GTPBP1: variants seen among roughly 807,000 people sequenced by gnomAD.
GTPBP1 encodes GTP binding protein 1, also known as GTP-binding protein 1.
GTPBP1 carries 23 observed loss-of-function variants against 62.0 expected under a neutral mutation model. That is an observed-to-expected ratio of 0.37 (90% CI 0.27 to 0.53). GTPBP1 has a LOEUF of 0.53. Ranked by LOEUF, GTPBP1 falls within the 20% of genes least tolerant of loss-of-function variation. The probability of loss-of-function intolerance (pLI) is 0.89; values close to 1 mark genes in which losing one functional copy is unlikely to be tolerated. For synonymous variants in GTPBP1, 344 were observed against 364.4 expected (o/e 0.94, Z 0.64); for missense variants, 640 against 917.3 (o/e 0.70, Z 3.90).
chr22:38,714,789 C>G (rs2092660431), intron 2 of GTPBP1, among the ~76,000 whole-genome samples: 1 of 152,026 alleles, frequency 6.6e-6, no homozygotes. Flanking sequence ...GTTAGCCAGC[C>G]AGGGAAGGAG....
At chr22:38,723,029 AGTGGGAT>A in intron 5 of GTPBP1, 1 of 803,498 alleles carries the variant, frequency 1.2e-6, no homozygotes, top group South Asian at 1.4e-5. Flanking sequence ...ATCTGACAAG[AGTGGGAT>A]GTTCATGTGG....
In GTPBP1 at chr22:38,717,014, G is replaced by A. The variant is rs532123467; in HGVS notation, c.834+14G>A. On this transcript the variant is annotated intron_variant, in intron 4 of 11. Coordinates refer to ENST00000216044, the MANE Select transcript of GTPBP1 (RefSeq NM_004286.5). ...TGCATGCTCATGGTGAGTGGGAGGC[G>A]CCCCAAGGAGGGGAGGCGTCAGCAG... The A allele has an allele frequency of 6.2e-5, 96 of 1,538,522 alleles. No individual in the cohort carries two copies. Among genetic ancestry groups the A allele is most frequent in the Non-Finnish European group, 7.4e-5 (83 of 1,114,978 alleles).
At chr22:38,736,416 A>G, downstream of GTPBP1, 1 of 1,549,404 alleles carries the variant, frequency 6.5e-7, no homozygotes, top group Non-Finnish European at 8.8e-7. Flanking sequence ...AGCATCAGAG[A>G]CCTGTGAGGC....
In GTPBP1 at chr22:38,727,141, G is replaced by A; in HGVS notation, c.1402-72G>A. The A allele has an allele frequency of 1.4e-6, 2 of 1,400,322 alleles. No homozygotes were observed. The highest frequency in any genetic ancestry group is 2.5e-5 in the Admixed American group (1 of 39,832). The allele number at this position is 1,400,322 out of a possible 1,614,324, so 86.7% of individuals were successfully genotyped here. ...GGTCCCTATCCCTAGAAAGACTCTTGGTCCCTGGGACCAGGGGTGAAACCA... is the reference window on the plus strand; with the variant it reads ...GGTCCCTATCCCTAGAAAGACTCTTAGTCCCTGGGACCAGGGGTGAAACCA... On this transcript the variant is annotated intron_variant, in intron 8 of 11. Coordinates refer to ENST00000216044, the MANE Select transcript of GTPBP1 (RefSeq NM_004286.5). This position sits in a 1 kb window ranked among gnomAD's most constrained non-coding sequence, Gnocchi z 6.5.
intron 5 of GTPBP1, chr22:38,722,937 T>A: frequency 1.0e-5 from 10 of 967,396 alleles, no homozygotes; most frequent in African/African-American, 1.6e-5. Flanking sequence ...GATGACTCCA[T>A]TGGGGTCAGT....
At chr22:38,715,834 TCCTGGCTGGCTG>T (rs915589428) in intron 2 of GTPBP1, 61 bp from the exon 3 acceptor site, 1 of 1,307,322 alleles carries the variant, frequency 7.6e-7, no homozygotes, top group Non-Finnish European at 1.1e-6. Flanking sequence ...TAGGTGGGGT[TCCTGGCTGGCTG>T]GTTGGCAGGC....
At chr22:38,706,241 G>A (rs938439187) in intron 1 of GTPBP1, 94 bp downstream of exon 1, 5 of 794,706 alleles carry the variant, frequency 6.3e-6, no homozygotes, top group Admixed American at 4.5e-5. Context: ...CGCCCTGTCC[G>A]CGGGGAGCGC....
chr22:38,742,617 A>G, downstream of GTPBP1: 2 of 1,542,550 alleles, frequency 1.3e-6, no homozygotes, highest in Non-Finnish European at 1.8e-6. Context: ...CTTCCCAAAG[A>G]CCACCCCGAC....
downstream of GTPBP1, chr22:38,740,008 G>A: frequency 1.9e-6 from 3 of 1,543,008 alleles, no homozygotes; most frequent in Non-Finnish European, 2.6e-6. This position sits in a 1 kb window ranked among gnomAD's most constrained non-coding sequence, Gnocchi z 4.8. Context: ...TGCTATGACA[G>A]GGCTAGTGCT....
chr22:38,719,329 A>T (rs913482876), intron 4 of GTPBP1, among the ~76,000 whole-genome samples: 2 of 151,578 alleles, frequency 1.3e-5, no homozygotes, highest in African/African-American at 4.9e-5. Flanking sequence ...TTTTAAAGAG[A>T]CAAAGCCTCA....
intron 4 of GTPBP1, among the ~76,000 whole-genome samples, chr22:38,718,029 C>A (rs1287800310): frequency 1.3e-5 from 2 of 152,228 alleles, no homozygotes; most frequent in South Asian, 2.1e-4. Context: ...GGTTCTCAAG[C>A]AAATTCTCCC....
chr22:38,726,080 T>C lies in GTPBP1; in HGVS notation c.1148T>C (p.Leu383Pro), dbSNP rs2092725271. 1 of 1,613,926 alleles carries C rather than the reference T, an allele frequency of 6.2e-7. No individual in the cohort carries two copies. The highest frequency in any genetic ancestry group is 8.5e-7 in the Non-Finnish European group (1 of 1,179,882). The stretch of plus-strand genomic sequence containing the variant: ...CTGCTGAAGATGTTCCTCAACCTCC[T>C]CTCCCCCCGCACCAGCTACAGGGAG... ...LDLLKMFLNL[L>P]SPRTSYREEE... Residue 383 changes from leucine to proline, a missense_variant, in exon 7 of 12, where the codon CTC (leucine) becomes CCC (proline). Physicochemically the swap from Leu to Pro is moderately conservative, Grantham distance 98 (BLOSUM62 -3). Around this residue, in one of 4 missense-constraint regions of GTPBP1, gnomAD observed 220 missense variants for 358.1 expected, o/e 0.61. Transcript: ENST00000216044. The surrounding 1 kb of genome is among the most constrained non-coding windows in gnomAD (Gnocchi z 4.1).
downstream of GTPBP1, chr22:38,735,950 C>T (rs1169790255): frequency 4.0e-6 from 1 of 252,172 alleles, no homozygotes. Flanking sequence ...AGCCCCTGAC[C>T]CCAGCCAAGA....
intron 2 of GTPBP1, among the ~76,000 whole-genome samples, chr22:38,714,127 G>T (rs1055958428): frequency 2.0e-5 from 3 of 152,202 alleles, no homozygotes; most frequent in Admixed American, 6.5e-5. Flanking sequence ...AAGGCTGAGT[G>T]GCCAGCAGTA....
intron 1 of GTPBP1, among the ~76,000 whole-genome samples, 186 bp from the exon 2 acceptor site, chr22:38,708,659 A>G (rs143080669): frequency 6.6e-6 from 1 of 152,324 alleles, no homozygotes; most frequent in African/African-American, 2.4e-5. Flanking sequence ...TATTTGGCTC[A>G]TATAAGGCCT....
rs2092672092 is a variant in GTPBP1 at position 38,716,599 on chromosome 22, A to C, written c.486-53A>C. 1.5e-6 allele frequency: 2 copies of C among 1,320,490 alleles called. No individual in the cohort carries two copies. The highest frequency in any genetic ancestry group is 3.9e-5 in the Admixed American group (2 of 51,122). 81.8% of individuals were successfully genotyped at this position (1,320,490 alleles called of 1,614,324 possible). On this transcript the variant is annotated intron_variant, in intron 3 of 11. Transcript: ENST00000216044. This position sits in a 1 kb window ranked among gnomAD's most constrained non-coding sequence, Gnocchi z 5.2. ...TTACTGGGGTTATGATGGTCGCTCC[A>C]CCTCACTCATTCACTAACTCTCACA...
At chr22:38,707,968 A>T (rs2092615702) in intron 1 of GTPBP1, among the ~76,000 whole-genome samples, 1 of 152,196 alleles carries the variant, frequency 6.6e-6, no homozygotes, top group Admixed American at 6.5e-5. Flanking sequence ...CACTTAGTGA[A>T]TAGTGGTGGC....
At position 38,729,612 on chromosome 22, in the gene GTPBP1, T is replaced by G. The variant is rs2092745798; in HGVS notation, c.1867T>G (p.Ser623Ala). Residue 623 changes from serine to alanine, a missense_variant, in exon 11 of 12, where the codon TCC becomes GCC. Physicochemically the swap from Ser to Ala is moderately conservative, Grantham distance 99. This residue lies in a region of GTPBP1 where 117 missense variants were observed against 107.1 expected (regional missense o/e 1.09). Transcript: ENST00000216044. ...VGAPPPGDEA[S>A]SVGAGQPAAS... Reference sequence around the variant, plus strand: ...AGCACCCCCACCTGGAGATGAAGCCTCCTCTGTAGGGGCAGGGCAACCAGC... The same window carrying G: ...AGCACCCCCACCTGGAGATGAAGCCGCCTCTGTAGGGGCAGGGCAACCAGC... The G allele has an allele frequency of 3.2e-6, 5 of 1,550,938 alleles. No homozygotes were observed. The highest frequency in any genetic ancestry group is 2.8e-5 in the African/African-American group (2 of 71,914).
Position 38,716,191 on chromosome 22 carries a change from C to CG in GTPBP1, c.485+108dup. On this transcript the variant is annotated intron_variant, in intron 3 of 11. Transcript: ENST00000216044. This position sits in a 1 kb window ranked among gnomAD's most constrained non-coding sequence, Gnocchi z 5.2. Reference sequence around the variant, plus strand: ...AGCTCCATCCTTTCCCCTCCTGAGGCGGGGAAAGAGTGTCCAGGTGTCTGG... The same window carrying CG: ...AGCTCCATCCTTTCCCCTCCTGAGGCGGGGGAAAGAGTGTCCAGGTGTCTGG... 1.1e-6 allele frequency: 1 copy of CG among 942,816 alleles called. No homozygotes were observed. Among genetic ancestry groups the CG allele is most frequent in the Non-Finnish European group, 1.6e-6 (1 of 607,818 alleles). The allele number at this position is 942,816 out of a possible 1,614,324, so 58.4% of individuals were successfully genotyped here. A position where few individuals can be genotyped will look rare whatever the true frequency, so the allele number is the denominator to read the frequency against.
Sources: allele counts gnomAD v4.1 joint callset (sites outside exome capture counted in the v4.1 genomes callset), GRCh38; gene constraint gnomAD v4.1.1; regional missense constraint gnomAD v4.1.1; non-coding constraint Gnocchi (gnomAD v3.1); transcripts MANE v1.5; gene names NCBI Gene and HGNC (gene_info 2026-07-23, HGNC 2026-07-21).